Variants in SATB2 observed in about 807,000 individuals in gnomAD.
The protein encoded by SATB2 is SATB homeobox 2, also known as DNA-binding protein SATB2.
Under a neutral mutation model 73.4 loss-of-function variants are expected in SATB2, and 1 was observed. The ratio of observed to expected loss-of-function variants is 0.01; its 90% CI spans 0.00 to 0.06. The LOEUF (loss-of-function observed/expected upper bound fraction) is 0.06, where lower values mean the gene tolerates loss of function less well. SATB2 is among the 10% of genes least tolerant of loss of function. The pLI is 1.00. For synonymous variants in SATB2, 397 were observed against 367.0 expected, an observed-to-expected ratio of 1.08 and a Z score of -0.93; for missense variants, 459 against 945.8, an observed-to-expected ratio of 0.49 and a Z score of 6.75.
Position 199,455,790 on chromosome 2 carries a change from C to A in SATB2, c.169+79G>T. 1.4e-6 allele frequency: 2 copies of A among 1,469,374 alleles called. No homozygotes were observed. The highest frequency in any genetic ancestry group is 2.4e-5 in the South Asian group (2 of 82,530). 91.0% of individuals were successfully genotyped at this position (1,469,374 alleles called of 1,614,324 possible). ...CCTGTAATCCTACACCGCGACAGCG[C>A]CTAATCAACCTGAACCCTGACACCC... On this transcript the variant is annotated intron_variant, in intron 2 of 10. Transcript: ENST00000417098. This position sits in a 1 kb window ranked among gnomAD's most constrained non-coding sequence, Gnocchi z 4.1.
intron 5 of SATB2, among the ~76,000 whole-genome samples, chr2:199,372,392 A>C (rs1559011055): frequency 6.6e-6 from 1 of 152,208 alleles, no homozygotes; most frequent in Non-Finnish European, 1.5e-5. Flanking sequence ...ATTGGTATTT[A>C]ATACTTATGA....
chr2:199,274,875 T>C (rs1692264561), intron 10 of SATB2, among the ~76,000 whole-genome samples: 1 of 152,092 alleles, frequency 6.6e-6, no homozygotes. Flanking sequence ...TCCACTTTCA[T>C]GGCAGAAGGA....
At chr2:199,365,279 T>C (rs1256142978) in intron 6 of SATB2, among the ~76,000 whole-genome samples, 1 of 151,924 alleles carries the variant, frequency 6.6e-6, no homozygotes, top group Non-Finnish European at 1.5e-5. Context: ...CCAGAAGCAA[T>C]TATGGTATGT....
chr2:199,300,115 T>C (rs1236799383), intron 10 of SATB2, among the ~76,000 whole-genome samples: 1 of 152,014 alleles, frequency 6.6e-6, no homozygotes, highest in Non-Finnish European at 1.5e-5. Context: ...CACTGCCTTC[T>C]TTTAGGTGTA....
At chr2:199,404,234 T>C (rs1174607113) in intron 3 of SATB2, among the ~76,000 whole-genome samples, 5 of 152,182 alleles carry the variant, frequency 3.3e-5, no homozygotes, top group Non-Finnish European at 7.3e-5. Flanking sequence ...AAAGCAGCCA[T>C]CATGGCGGCC....
intron 7 of SATB2, among the ~76,000 whole-genome samples, chr2:199,337,093 C>T: frequency 6.6e-6 from 1 of 152,094 alleles, no homozygotes; most frequent in East Asian, 1.9e-4. Context: ...TTTACATCTA[C>T]AACTTTAAAT....
intron 9 of SATB2, among the ~76,000 whole-genome samples, chr2:199,321,373 A>G (rs1292440839): frequency 7.1e-6 from 1 of 141,592 alleles, no homozygotes; most frequent in East Asian, 2.3e-4. Context: ...ATGTATGTCT[A>G]TACATAGACA....
At chr2:199,334,700 C>T (rs1269824821) in intron 7 of SATB2, among the ~76,000 whole-genome samples, 1 of 152,048 alleles carries the variant, frequency 6.6e-6, no homozygotes, top group Non-Finnish European at 1.5e-5. Context: ...AAACTGGTAA[C>T]CTCTTAAGAA....
intron 3 of SATB2, among the ~76,000 whole-genome samples, chr2:199,402,235 A>T (rs1341037823): frequency 6.6e-6 from 1 of 152,138 alleles, no homozygotes; most frequent in Non-Finnish European, 1.5e-5. Context: ...AAATACAAAA[A>T]TTAGCCAGGC....
Position 199,454,158 on chromosome 2 carries a change from T to G in SATB2, c.169+1711A>C, listed in dbSNP as rs994510357. The stretch of plus-strand genomic sequence containing the variant: ...AGAACAAGGCACTTTCTTTCATAGT[T>G]CAACATGATATAGAGGAGGGGAAAA... On this transcript the variant is annotated intron_variant, in intron 2 of 10. Coordinates refer to ENST00000417098, the MANE Select transcript of SATB2 (RefSeq NM_001172509.2). Among the ~76,000 whole-genome samples, 113 of 152,078 alleles carry G rather than the reference T, an allele frequency of 7.4e-4. 9 individuals are homozygous for G. Among genetic ancestry groups the G allele is most frequent in the Non-Finnish European group, 2.9e-5 (2 of 67,924 alleles).
Position 199,456,106 on chromosome 2 carries a change from G to C in SATB2, c.-59-10C>G, listed in dbSNP as rs1490714829. On this transcript the variant is annotated splice_polypyrimidine_tract_variant and intron_variant, in intron 1 of 10. Transcript: ENST00000417098. Reference sequence around the variant, plus strand: ...TAAAACGCACAGGGACCTAGGGAGGGGGTGGGGGGAGGAAGGGGGAGGGAG... The same window carrying C: ...TAAAACGCACAGGGACCTAGGGAGGCGGTGGGGGGAGGAAGGGGGAGGGAG... The C allele has an allele frequency of 5.6e-6, 7 of 1,251,372 alleles. No homozygotes were observed. In the Admixed American group the frequency reaches 1.4e-4, roughly 25 times the overall value. The allele number at this position is 1,251,372 out of a possible 1,614,324, so 77.5% of individuals were successfully genotyped here. A position where few individuals can be genotyped will look rare whatever the true frequency, so the allele number is the denominator to read the frequency against.
At chr2:199,401,697 A>C (rs1218726052) in intron 3 of SATB2, among the ~76,000 whole-genome samples, 4 of 152,012 alleles carry the variant, frequency 2.6e-5, no homozygotes, top group Non-Finnish European at 5.9e-5. Context: ...ATATGGGGGA[A>C]AAAAATGTGT....
At chr2:199,310,882 G>C (rs1687576290) in intron 9 of SATB2, among the ~76,000 whole-genome samples, 1 of 152,240 alleles carries the variant, frequency 6.6e-6, no homozygotes, top group Non-Finnish European at 1.5e-5. Flanking sequence ...TGACAGCTGA[G>C]TGGTATCTCC....
At chr2:199,389,373 A>C (rs190393349) in intron 3 of SATB2, among the ~76,000 whole-genome samples, 1 of 151,678 alleles carries the variant, frequency 6.6e-6, no homozygotes, top group Admixed American at 6.5e-5. Flanking sequence ...TAAGTGGAAA[A>C]TGAAACAGCA....
At chr2:199,304,177 A>G (rs1455872129) in intron 10 of SATB2, among the ~76,000 whole-genome samples, 8 of 152,154 alleles carry the variant, frequency 5.3e-5, no homozygotes, top group African/African-American at 1.4e-4. Context: ...CAGTTTTTCC[A>G]ATTGTAAAAC....
upstream of SATB2, among the ~76,000 whole-genome samples, chr2:199,465,407 GT>G (rs1391166441): frequency 6.6e-6 from 1 of 152,182 alleles, no homozygotes; most frequent in Non-Finnish European, 1.5e-5. Context: ...TTCCCTAATA[GT>G]TTGCATTTTA....
intron 6 of SATB2, among the ~76,000 whole-genome samples, chr2:199,363,841 A>T (rs946094914): frequency 6.6e-6 from 1 of 152,220 alleles, no homozygotes; most frequent in African/African-American, 2.4e-5. Flanking sequence ...ACAAGATACA[A>T]CATAGGCAGA....
intron 3 of SATB2, among the ~76,000 whole-genome samples, chr2:199,428,805 G>A (rs1691411844): frequency 6.6e-6 from 1 of 152,080 alleles, no homozygotes; most frequent in East Asian, 1.9e-4. Context: ...GCTGAAGCAG[G>A]AGAATCACCT....
chr2:199,446,847 A>G (rs879464904), intron 2 of SATB2, among the ~76,000 whole-genome samples: 3 of 152,210 alleles, frequency 2.0e-5, no homozygotes, highest in African/African-American at 4.8e-5. Flanking sequence ...CTCCACCAGG[A>G]GGATGTACTG....
Sources: gnomAD v4.1 joint callset for allele counts (sites outside exome capture counted in the v4.1 genomes callset) on GRCh38, gnomAD v4.1.1 for gene constraint, Gnocchi (gnomAD v3.1) non-coding constraint, MANE v1.5 for transcripts, NCBI Gene and HGNC (gene_info 2026-07-23, HGNC 2026-07-21) for gene names.